SDK2: variants seen among roughly 807,000 people sequenced by gnomAD.
SDK2 encodes protein sidekick-2.
Under a neutral mutation model 253.9 loss-of-function variants are expected in SDK2, and 105 were observed. That is an observed-to-expected ratio of 0.41 (90% confidence interval 0.35 to 0.49). The LOEUF is 0.49. SDK2 is among the 20% of genes least tolerant of loss of function. SDK2 has a pLI of 0.06. For synonymous variants in SDK2, 1,249 were observed against 1,234.9 expected (o/e 1.01, Z -0.24); for missense variants, 2,608 against 3,003.0 (o/e 0.87, Z 3.07).
intron 1 of SDK2, among the ~76,000 whole-genome samples, chr17:73,508,706 A>T (rs2063954521): frequency 6.6e-6 from 1 of 152,140 alleles, no homozygotes; most frequent in Non-Finnish European, 1.5e-5. Flanking sequence ...GGGGTTAGAA[A>T]CCTGCCCAAG....
At chr17:73,358,243 C>T in intron 39 of SDK2, 39 bp from the exon 40 acceptor site, 1 of 1,555,500 alleles carries the variant, frequency 6.4e-7, no homozygotes, top group Non-Finnish European at 8.6e-7. Context: ...GTATGGAACC[C>T]AGAACAGCCA....
intron 2 of SDK2, among the ~76,000 whole-genome samples, chr17:73,480,656 C>G (rs1436421883): frequency 6.6e-6 from 1 of 151,846 alleles, no homozygotes; most frequent in East Asian, 1.9e-4. Flanking sequence ...GAGAGACAGT[C>G]AGAGAGACAG....
chr17:73,576,407 G>A (rs56373157), intron 1 of SDK2, among the ~76,000 whole-genome samples: 54,718 of 152,014 alleles, frequency 0.36, 10,954 homozygotes, highest in African/African-American at 0.55. Flanking sequence ...AAGGAAGGGA[G>A]GGGTGTCACA....
chr17:73,377,118 C>G (rs1194927102), intron 36 of SDK2, among the ~76,000 whole-genome samples: 2 of 150,020 alleles, frequency 1.3e-5, no homozygotes, highest in African/African-American at 4.9e-5. Context: ...CAACCAGCCG[C>G]CAAGAATGAG....
In SDK2 at chr17:73,616,393, CAA is replaced by C. The variant is rs1157287958; in HGVS notation, c.64+27630_64+27631del. ...TGCAGGCTCAGGAAGGAGAAAAAAA[CAA>C]GAGGGAAAGAGGCAAGCAACGGTGA... On this transcript the variant is annotated intron_variant, in intron 1 of 44. Transcript: ENST00000392650. The surrounding 1 kb of genome is among the most constrained non-coding windows in gnomAD (Gnocchi z 5.2). Among the ~76,000 whole-genome samples, 2 of 152,022 alleles carry C rather than the reference CAA, an allele frequency of 1.3e-5. No homozygotes were observed. The highest frequency in any genetic ancestry group is 6.5e-5 in the Admixed American group (1 of 15,268).
rs931484094 is a variant in SDK2 at position 73,456,006 on chromosome 17, C to T, written c.379G>A (p.Gly127Arg). 5.3e-5 allele frequency: 82 copies of T among 1,544,064 alleles called. No homozygotes were observed. The highest frequency in any genetic ancestry group is 4.4e-4 in the Admixed American group (22 of 50,490). ...GGGGCACGGATGACAGCTGCTTCTC[C>T]GTGGGAGACGCTCTGGTGCTTCTCA... The part of the protein sequence containing the change: ...EGEKHQSVSH[G>R]EAAVIRAPRI... The change falls in exon 4 of 45, where the codon GGA becomes AGA. Residue 127 changes from glycine to arginine, a missense_variant. Coordinates refer to ENST00000392650, the MANE Select transcript of SDK2 (RefSeq NM_001144952.2).
intron 1 of SDK2, among the ~76,000 whole-genome samples, chr17:73,551,300 G>A (rs989923785): frequency 3.9e-5 from 6 of 152,174 alleles, no homozygotes; most frequent in African/African-American, 9.7e-5. Context: ...CAAGCTCCCC[G>A]TGGCACGTTG....
At chr17:73,585,654 C>T (rs2045593491) in intron 1 of SDK2, among the ~76,000 whole-genome samples, 1 of 152,206 alleles carries the variant, frequency 6.6e-6, no homozygotes, top group African/African-American at 2.4e-5. Context: ...TCCCTCAGGC[C>T]TGACTACCCC....
intron 8 of SDK2, among the ~76,000 whole-genome samples, chr17:73,436,955 G>A (rs1018132669): frequency 1.3e-5 from 2 of 151,980 alleles, no homozygotes; most frequent in African/African-American, 4.8e-5. Context: ...TACATTCTAC[G>A]CGAGCAGGGA....
intron 1 of SDK2, among the ~76,000 whole-genome samples, chr17:73,632,754 T>A (rs996060370): frequency 6.6e-6 from 1 of 152,160 alleles, no homozygotes; most frequent in African/African-American, 2.4e-5. Flanking sequence ...ACAGAAAATT[T>A]TAAACACAAA....
At chr17:73,440,978 C>A (rs937517919) in intron 5 of SDK2, 55 bp from the exon 6 acceptor site, 3 of 1,332,852 alleles carry the variant, frequency 2.3e-6, no homozygotes, top group Admixed American at 4.2e-5. Flanking sequence ...TATCCCTGCC[C>A]AGCCTCATTA....
chr17:73,615,685 G>A (rs1023231570), intron 1 of SDK2, among the ~76,000 whole-genome samples: 2 of 152,202 alleles, frequency 1.3e-5, no homozygotes, highest in Non-Finnish European at 2.9e-5. Context: ...TGCCCAGGGT[G>A]AGGATGTGGG....
intron 1 of SDK2, among the ~76,000 whole-genome samples, chr17:73,574,825 T>G (rs2045436658): frequency 6.6e-6 from 1 of 151,810 alleles, no homozygotes; most frequent in Admixed American, 6.5e-5. Flanking sequence ...AGAGGGTGAG[T>G]CTTGAGTCTT....
At position 73,338,425 on chromosome 17, in the gene SDK2, T is replaced by A. The variant is rs1210154334; in HGVS notation, c.*162A>T. 1.4e-6 allele frequency: 1 copy of A among 701,960 alleles called. No homozygotes were observed. The highest frequency in any genetic ancestry group is 2.6e-6 in the Non-Finnish European group (1 of 387,496). The allele number at this position is 701,960 out of a possible 1,614,324, so 43.5% of individuals were successfully genotyped here. On this transcript the variant is annotated 3_prime_UTR_variant, in exon 45 of 45. Transcript: ENST00000392650. The surrounding 1 kb of genome is among the most constrained non-coding windows in gnomAD (Gnocchi z 5.0). ...CCTCTCACGGTTTTCTCCCTCCTTC[T>A]GAACGCCGGCTTTGCTGGCCCTGGA...
At chr17:73,595,776 C>T (rs1360665670) in intron 1 of SDK2, among the ~76,000 whole-genome samples, 3 of 152,114 alleles carry the variant, frequency 2.0e-5, no homozygotes, top group African/African-American at 4.8e-5. Flanking sequence ...CACTCCTCAC[C>T]GGCAGGCCCT....
At chr17:73,388,167 T>C (rs2062890511) in intron 29 of SDK2, 130 bp from the exon 30 acceptor site, 2 of 669,362 alleles carry the variant, frequency 3.0e-6, no homozygotes, top group Non-Finnish European at 5.2e-6. Context: ...CCCAATTCCA[T>C]GCACGCAGGA....
chr17:73,591,352 G>A (rs1477950280), intron 1 of SDK2, among the ~76,000 whole-genome samples: 1 of 152,200 alleles, frequency 6.6e-6, no homozygotes, highest in East Asian at 1.9e-4. Context: ...TCTCGAACCT[G>A]GTGCCTTCCC....
intron 1 of SDK2, among the ~76,000 whole-genome samples, chr17:73,547,010 G>A (rs1421086868): frequency 6.6e-6 from 1 of 152,222 alleles, no homozygotes; most frequent in Non-Finnish European, 1.5e-5. Flanking sequence ...TCTGGAGCCA[G>A]GCACTGATCC....
In SDK2 at chr17:73,383,928, G is replaced by T; in HGVS notation, c.4653C>A (p.Gly1551=). The T allele has an allele frequency of 6.2e-7, 1 of 1,613,918 alleles. No homozygotes were observed. Among genetic ancestry groups the T allele is most frequent in the Non-Finnish European group, 8.5e-7 (1 of 1,179,876 alleles). Residue 1551 remains glycine, a synonymous_variant, in exon 33 of 45, where the codon GGC becomes GGA. Coordinates refer to ENST00000392650, the MANE Select transcript of SDK2 (RefSeq NM_001144952.2). This position sits in a 1 kb window ranked among gnomAD's most constrained non-coding sequence, Gnocchi z 4.3. ...GGTTGTTGATGCCTCGAAGCGTGAAGCCCCTCAGTCCTTCATAGAGCAGCT... is the reference window on the plus strand; with the variant it reads ...GGTTGTTGATGCCTCGAAGCGTGAATCCCCTCAGTCCTTCATAGAGCAGCT... ...YRELLYEGLR[G]FTLRGINNPG...
Sources: allele counts gnomAD v4.1 joint callset (sites outside exome capture counted in the v4.1 genomes callset), GRCh38; gene constraint gnomAD v4.1.1; non-coding constraint Gnocchi (gnomAD v3.1); transcripts MANE v1.5; gene names NCBI Gene and HGNC (gene_info 2026-07-23, HGNC 2026-07-21).